The following MSH5 variants were observed in gnomAD, a reference collection of about 807,000 sequenced individuals.
MSH5 encodes the protein mutS homolog 5.
In MSH5, 78 loss-of-function variants were observed where a neutral mutation model predicts 107.7. The ratio of observed to expected loss-of-function variants is 0.72; its 90% CI spans 0.60 to 0.87. MSH5 has a LOEUF of 0.87. MSH5 is among the 40% of genes least tolerant of loss of function. The pLI, the probability that MSH5 is intolerant of heterozygous loss-of-function variation, is 0.00. For synonymous variants in MSH5, 326 were observed against 399.5 expected (o/e 0.82, Z 2.19); for missense variants, 889 against 1,046.6 (o/e 0.85, Z 2.08).
Position 31,752,207 on chromosome 6 carries a change from G to A in MSH5, c.813-1094G>A, listed in dbSNP as rs536635049. Among the ~76,000 whole-genome samples the A allele has an allele frequency of 5.3e-5, 8 of 151,758 alleles. No individual in the cohort carries two copies. In the Middle Eastern group the frequency reaches 0.014, roughly 258 times the overall value. On this transcript the variant is annotated intron_variant, in intron 10 of 24. Transcript: ENST00000375750. ...TGTAATCCCAGCACTTTGGGAGGCC[G>A]AGGCGGGTGGATCACAAGGTCAGGA...
intron 10 of MSH5, among the ~76,000 whole-genome samples, chr6:31,748,004 A>G (rs1314534034): frequency 3.4e-4 from 1 of 2,982 alleles, no homozygotes; most frequent in Non-Finnish European, 4.7e-4. Flanking sequence ...CTCCGTCTCA[A>G]AAAAAAAAAA....
rs28399978 is a variant in MSH5, at chr6:31,760,015, C to T, written c.1685+40C>T. 1.1e-5 allele frequency: 17 copies of T among 1,612,476 alleles called. No homozygotes were observed. The East Asian group carries it at 3.8e-4, about 36-fold the overall frequency. On this transcript the variant is annotated intron_variant, in intron 18 of 24. Transcript: ENST00000375750. This position sits in a 1 kb window ranked among gnomAD's most constrained non-coding sequence, Gnocchi z 5.6. The stretch of plus-strand genomic sequence containing the variant: ...GGGTGGAGGAATAGACATGAGGGGC[C>T]CAAAGGCTACATCTTCTGGGGGTTC...
chr6:31,741,075 G>C lies in MSH5; in HGVS notation c.148-88G>C, dbSNP rs1315274761. The C allele has an allele frequency of 9.9e-6, 15 of 1,509,716 alleles. 1 individual carries two copies. The highest frequency in any genetic ancestry group is 1.4e-5 in the African/African-American group (1 of 71,686). The allele number at this position is 1,509,716 out of a possible 1,614,324, so 93.5% of individuals were successfully genotyped here. The stretch of plus-strand genomic sequence containing the variant: ...GTGATGATGCCTATCTCAGAGATTT[G>C]AGAAAATGATTAAATTATATAAGAC... On this transcript the variant is annotated intron_variant, in intron 2 of 24. Coordinates refer to ENST00000375750, the MANE Select transcript of MSH5 (RefSeq NM_172166.4).
In MSH5 at chr6:31,753,319, G is replaced by C. The variant is rs148428889; in HGVS notation, c.831G>C (p.Pro277=). Reference sequence around the variant, plus strand: ...CTTCCAGGCTATGGTTCACACGTCCGACTCATGACCTGGGGGAGCTCAGTT... The same window carrying C: ...CTTCCAGGCTATGGTTCACACGTCCCACTCATGACCTGGGGGAGCTCAGTT... The part of the protein sequence containing the change: ...EKLLRLWFTR[P]THDLGELSSR... The change falls in exon 11 of 25, where the codon CCG becomes CCC. Residue 277 remains proline (P), a synonymous_variant. Coordinates refer to ENST00000375750, the MANE Select transcript of MSH5 (RefSeq NM_172166.4). 2.5e-6 allele frequency: 4 copies of C among 1,612,222 alleles called. No individual in the cohort carries two copies. In the South Asian group the frequency reaches 4.4e-5, roughly 18 times the overall value.
At position 31,758,701 on chromosome 6, in the gene MSH5, G is replaced by T. The variant is rs535762490; in HGVS notation, c.1217-65G>T. On this transcript the variant is annotated intron_variant, in intron 14 of 24. Transcript: ENST00000375750. The surrounding 1 kb of genome is among the most constrained non-coding windows in gnomAD (Gnocchi z 5.1). The stretch of plus-strand genomic sequence containing the variant: ...CTTGGCAGGTGGTCACCACAGCTGG[G>T]GATCTTCATAGCAACCAGGGCAGGA... 10 of 1,609,342 alleles carry T rather than the reference G, an allele frequency of 6.2e-6. No homozygotes were observed. The highest frequency in any genetic ancestry group is 8.5e-6 in the Non-Finnish European group (10 of 1,175,900).
At position 31,761,065 on chromosome 6, in the gene MSH5, C is replaced by T; in HGVS notation, c.1963-123C>T. 9.4e-7 allele frequency: 1 copy of T among 1,059,588 alleles called. No homozygotes were observed. The highest frequency in any genetic ancestry group is 1.4e-6 in the Non-Finnish European group (1 of 720,470). The allele number at this position is 1,059,588 out of a possible 1,614,324, so 65.6% of individuals were successfully genotyped here. The stretch of plus-strand genomic sequence containing the variant: ...GAGGATGAACAAAGCGTGCACCTCA[C>T]CATTCAAGAACTTGCAGTGCAGTAG... On this transcript the variant is annotated intron_variant, in intron 20 of 24. Transcript: ENST00000375750. This position sits in a 1 kb window ranked among gnomAD's most constrained non-coding sequence, Gnocchi z 5.3.
At position 31,758,504 on chromosome 6, in the gene MSH5, G is replaced by A; in HGVS notation, c.1144-44G>A. ...GGGCCCAAGGAGAGCTGAGGAACAG[G>A]ACAGAGGGTGCCAGGTCCTAAGAAA... On this transcript the variant is annotated intron_variant, in intron 13 of 24. Coordinates refer to ENST00000375750, the MANE Select transcript of MSH5 (RefSeq NM_172166.4). This position sits in a 1 kb window ranked among gnomAD's most constrained non-coding sequence, Gnocchi z 5.1. 6.2e-7 allele frequency: 1 copy of A among 1,608,252 alleles called. No individual in the cohort carries two copies. The highest frequency in any genetic ancestry group is 8.5e-7 in the Non-Finnish European group (1 of 1,175,848).
intron 3 of MSH5, among the ~76,000 whole-genome samples, chr6:31,742,565 T>C (rs1350007034): frequency 6.6e-6 from 1 of 152,142 alleles, no homozygotes; most frequent in Non-Finnish European, 1.5e-5. Context: ...GCCACAAATA[T>C]ATATGACGTA....
chr6:31,745,471 C>G, intron 9 of MSH5, 152 bp downstream of exon 9: 1 of 622,604 alleles, frequency 1.6e-6, no homozygotes, highest in Non-Finnish European at 2.8e-6. Context: ...TTTGTACCCC[C>G]CGCCCCCCAA....
rs754081600 is a variant in MSH5 at position 31,760,655 on chromosome 6, A to C, written c.1813-35A>C. On this transcript the variant is annotated intron_variant, in intron 19 of 24. Coordinates refer to ENST00000375750, the MANE Select transcript of MSH5 (RefSeq NM_172166.4). The surrounding 1 kb of genome is among the most constrained non-coding windows in gnomAD (Gnocchi z 5.6). The stretch of plus-strand genomic sequence containing the variant: ...CCTCACTTTCACCTCAGCCCACGGC[A>C]CCAGGCCCCAGGCCCTGTCTCCTTC... 6.8e-6 allele frequency: 11 copies of C among 1,612,318 alleles called. No homozygotes were observed. The South Asian group carries it at 1.1e-4, about 16-fold the overall frequency.
In MSH5 at chr6:31,759,988, G is replaced by C. The variant is rs1810828691; in HGVS notation, c.1685+13G>C. The C allele has an allele frequency of 6.2e-7, 1 of 1,613,436 alleles. No homozygotes were observed. The highest frequency in any genetic ancestry group is 1.1e-5 in the South Asian group (1 of 91,062). ...TCCAGAATGGCAGGTAAGAATAGAG[G>C]CGGGTGGAGGAATAGACATGAGGGG... On this transcript the variant is annotated intron_variant, in intron 18 of 24. Coordinates refer to ENST00000375750, the MANE Select transcript of MSH5 (RefSeq NM_172166.4). This position sits in a 1 kb window ranked among gnomAD's most constrained non-coding sequence, Gnocchi z 4.7.
Position 31,761,684 on chromosome 6 carries a change from C to A in MSH5, c.2181+69C>A. 1 of 1,613,362 alleles carries A rather than the reference C, an allele frequency of 6.2e-7. No homozygotes were observed. On this transcript the variant is annotated intron_variant, in intron 22 of 24. Transcript: ENST00000375750. This position sits in a 1 kb window ranked among gnomAD's most constrained non-coding sequence, Gnocchi z 5.3. The stretch of plus-strand genomic sequence containing the variant: ...ATTTCCCAGAGGTGGGGATTGGCTC[C>A]TCTATCAGAACAAGGGCTCCCTCAG...
chr6:31,760,665 A>G lies in MSH5; in HGVS notation c.1813-25A>G. The G allele has an allele frequency of 6.2e-7, 1 of 1,612,624 alleles. No homozygotes were observed. The highest frequency in any genetic ancestry group is 8.5e-7 in the Non-Finnish European group (1 of 1,180,028). ...ACCTCAGCCCACGGCACCAGGCCCC[A>G]GGCCCTGTCTCCTTCCCTATTCAGG... On this transcript the variant is annotated intron_variant, in intron 19 of 24. Coordinates refer to ENST00000375750, the MANE Select transcript of MSH5 (RefSeq NM_172166.4). The surrounding 1 kb of genome is among the most constrained non-coding windows in gnomAD (Gnocchi z 5.6).
At position 31,761,930 on chromosome 6, in the gene MSH5, A is replaced by G. The variant is rs1451775630; in HGVS notation, c.2294A>G (p.Asp765Gly). The G allele has an allele frequency of 1.9e-6, 3 of 1,613,910 alleles. No homozygotes were observed. The Admixed American group carries it at 5.0e-5, about 27-fold the overall frequency. Residue 765 changes from aspartate to glycine, a missense_variant, in exon 23 of 25, where the codon GAC becomes GGC. Asp to Gly is a moderately conservative substitution (Grantham distance 94). Around this residue, in one of 3 missense-constraint regions of MSH5, gnomAD observed 362 missense variants for 456.2 expected, o/e 0.79. Coordinates refer to ENST00000375750, the MANE Select transcript of MSH5 (RefSeq NM_172166.4). The surrounding 1 kb of genome is among the most constrained non-coding windows in gnomAD (Gnocchi z 5.3). ...SHTAAQAGLP[D>G]KLVARGKEVS... ...ACAGCTGCCCAGGCTGGGCTTCCTG[A>G]CAAGCTTGTGGCTCGTGGCAAGGAG...
At chr6:31,752,493 G>A (rs1403811869) in intron 10 of MSH5, among the ~76,000 whole-genome samples, 1 of 152,094 alleles carries the variant, frequency 6.6e-6, no homozygotes, top group Non-Finnish European at 1.5e-5. Context: ...GAGCCGAGGC[G>A]GGCAGATCAC....
intron 7 of MSH5, 73 bp downstream of exon 7, chr6:31,744,372 G>T (rs1349327032): frequency 1.3e-6 from 2 of 1,596,622 alleles, no homozygotes. Context: ...TGGGGGTGGG[G>T]TGTGGATGTG....
In MSH5 at chr6:31,761,394, C is replaced by T. The variant is rs1275186383; in HGVS notation, c.2038-78C>T. The T allele has an allele frequency of 1.2e-6, 2 of 1,603,980 alleles. No individual in the cohort carries two copies. The highest frequency in any genetic ancestry group is 1.7e-6 in the Non-Finnish European group (2 of 1,174,302). ...GGCAGAAAAGAAATAGAACACGAGACAGGGAAAGGCAGTGCAAGTGCAGAG... is the reference window on the plus strand; with the variant it reads ...GGCAGAAAAGAAATAGAACACGAGATAGGGAAAGGCAGTGCAAGTGCAGAG... On this transcript the variant is annotated intron_variant, in intron 21 of 24. Transcript: ENST00000375750. The surrounding 1 kb of genome is among the most constrained non-coding windows in gnomAD (Gnocchi z 5.3).
rs1322704307 is a variant in MSH5 at position 31,745,247 on chromosome 6, A to G, written c.694A>G (p.Ile232Val). 1 of 1,611,866 alleles carries G rather than the reference A, an allele frequency of 6.2e-7. No individual in the cohort carries two copies. The highest frequency in any genetic ancestry group is 2.2e-5 in the East Asian group (1 of 44,876). Residue 232 changes from isoleucine (I) to valine (V), a missense_variant, in exon 9 of 25, where the codon ATT (isoleucine) becomes GTT (valine). Coordinates refer to ENST00000375750, the MANE Select transcript of MSH5 (RefSeq NM_172166.4). ...IDQDTYSVLQ[I>V]FKSESHPSVY... is the part of the protein sequence containing the mutation. Reference sequence around the variant, plus strand: ...ATTTCTCCTCGACAGTGTTCTACAGATTTTTAAGAGTGAGTCTCACCCCTC... The same window carrying G: ...ATTTCTCCTCGACAGTGTTCTACAGGTTTTTAAGAGTGAGTCTCACCCCTC...
At position 31,758,262 on chromosome 6, in the gene MSH5, T is replaced by G; in HGVS notation, c.1112T>G (p.Leu371Arg). The G allele has an allele frequency of 6.2e-7, 1 of 1,613,030 alleles. No individual in the cohort carries two copies. Among genetic ancestry groups the G allele is most frequent in the Non-Finnish European group, 8.5e-7 (1 of 1,180,026 alleles). Residue 371 changes from leucine to arginine, a missense_variant, in exon 13 of 25, where the codon CTG becomes CGG. Physicochemically the swap from Leu to Arg is moderately radical, Grantham distance 102 (BLOSUM62 -2). This residue lies in a region of MSH5 where 518 missense variants were observed against 565.0 expected (regional missense o/e 0.92). Coordinates refer to ENST00000375750, the MANE Select transcript of MSH5 (RefSeq NM_172166.4). The surrounding 1 kb of genome is among the most constrained non-coding windows in gnomAD (Gnocchi z 5.1). ...ATTGCCCAAGAGTTCTCTGATGACCTGCACCATATCGCCAGCCTCATTGGG... is the reference window on the plus strand; with the variant it reads ...ATTGCCCAAGAGTTCTCTGATGACCGGCACCATATCGCCAGCCTCATTGGG... ...RDIAQEFSDDLHHIASLIGKV... is the reference protein window; with the variant it reads ...RDIAQEFSDDRHHIASLIGKV...
Sources: gnomAD v4.1 joint callset for allele counts (sites outside exome capture counted in the v4.1 genomes callset) on GRCh38, gnomAD v4.1.1 for gene constraint, gnomAD v4.1.1 regional missense constraint, Gnocchi (gnomAD v3.1) non-coding constraint, MANE v1.5 for transcripts, NCBI Gene and HGNC (gene_info 2026-07-23, HGNC 2026-07-21) for gene names.